Variants in XPO4 observed in about 807,000 individuals in gnomAD.
The protein encoded by XPO4 is exportin 4.
A neutral mutation model predicts 143.0 loss-of-function variants in XPO4; 39 were observed. That is an observed-to-expected ratio of 0.27 (90% CI 0.21 to 0.36). The LOEUF (loss-of-function observed/expected upper bound fraction) is 0.36, where lower values mean the gene tolerates loss of function less well. XPO4 is among the 10% of genes least tolerant of loss of function. The pLI is 1.00. For synonymous variants in XPO4, 439 were observed against 474.0 expected (o/e 0.93, Z 0.96); for missense variants, 907 against 1,348.0 (o/e 0.67, Z 5.12).
intron 9 of XPO4, among the ~76,000 whole-genome samples, chr13:20,814,197 A>C (rs1273145343): frequency 1.3e-5 from 2 of 151,686 alleles, no homozygotes; most frequent in Non-Finnish European, 2.9e-5. Context: ...GTCTCCAAAA[A>C]AAAAAAAAAA....
chr13:20,793,006 T>C (rs1376433465), intron 18 of XPO4, among the ~76,000 whole-genome samples: 1 of 152,060 alleles, frequency 6.6e-6, no homozygotes, highest in Non-Finnish European at 1.5e-5. Context: ...GCCTGGCTAG[T>C]CTCAAACTCT....
At position 20,809,099 on chromosome 13, in the gene XPO4, T is replaced by C; in HGVS notation, c.1477A>G (p.Ile493Val). 1 of 1,613,928 alleles carries C rather than the reference T, an allele frequency of 6.2e-7. No individual in the cohort carries two copies. Among genetic ancestry groups the C allele is most frequent in the Non-Finnish European group, 8.5e-7 (1 of 1,179,854 alleles). Residue 493 changes from isoleucine to valine, a missense_variant, in exon 11 of 23, where the codon ATA becomes GTA. Physicochemically the swap from Ile to Val is conservative, Grantham distance 29 (BLOSUM62 3). Transcript: ENST00000255305. Reference protein sequence around the residue: ...MLGRIAAEHCIPLLTSLLEER... With the variant: ...MLGRIAAEHCVPLLTSLLEER... ...TGTGTGTACCTTGTCAGAAGAGGTATACAGTGTTCTGCAGCAATTCTTCCT... is the reference window on the plus strand; with the variant it reads ...TGTGTGTACCTTGTCAGAAGAGGTACACAGTGTTCTGCAGCAATTCTTCCT...
At chr13:20,849,333 C>T in intron 4 of XPO4, 1 of 985,436 alleles carries the variant, frequency 1.0e-6, no homozygotes, top group South Asian at 4.7e-5. Flanking sequence ...TTCTCACCCA[C>T]TTCTCTCTAG....
At chr13:20,893,495 T>C (rs772772899) in intron 1 of XPO4, among the ~76,000 whole-genome samples, 9 of 152,062 alleles carry the variant, frequency 5.9e-5, no homozygotes, top group Non-Finnish European at 1.2e-4. Context: ...ATCCCAGCAC[T>C]TTGGGAGGCC....
intron 9 of XPO4, among the ~76,000 whole-genome samples, chr13:20,816,611 C>A (rs1020018783): frequency 6.6e-6 from 1 of 152,092 alleles, no homozygotes; most frequent in Non-Finnish European, 1.5e-5. Context: ...TGATATGGAA[C>A]AATAGTTATA....
intron 4 of XPO4, chr13:20,851,698 A>C (rs2060088854): frequency 2.0e-5 from 18 of 881,382 alleles, no homozygotes; most frequent in African/African-American, 4.0e-5. Context: ...CAACAGAGCA[A>C]GACCCGGTCT....
At chr13:20,796,299 T>G (rs2059357799) in intron 17 of XPO4, 43 bp from the exon 18 acceptor site, 1 of 1,398,868 alleles carries the variant, frequency 7.1e-7, no homozygotes, top group Non-Finnish European at 9.4e-7. Flanking sequence ...CTTGGTACAC[T>G]GACATTAAAA....
At chr13:20,844,846 A>G (rs976287312) in intron 4 of XPO4, among the ~76,000 whole-genome samples, 2 of 152,242 alleles carry the variant, frequency 1.3e-5, no homozygotes, top group African/African-American at 2.4e-5. Context: ...CTATCTGTCC[A>G]TTTTGTATAT....
intron 3 of XPO4, among the ~76,000 whole-genome samples, chr13:20,858,438 G>A (rs556622024): frequency 3.3e-5 from 5 of 152,166 alleles, no homozygotes; most frequent in Admixed American, 3.3e-4. Context: ...GGTAAAAAAT[G>A]TACATATACA....
intron 9 of XPO4, among the ~76,000 whole-genome samples, chr13:20,810,895 A>G (rs1368833274): frequency 6.6e-6 from 1 of 152,232 alleles, no homozygotes; most frequent in Non-Finnish European, 1.5e-5. Context: ...TTACTGAATT[A>G]AAGTGTTACA....
chr13:20,814,524 T>C (rs2137919650), intron 9 of XPO4, among the ~76,000 whole-genome samples: 1 of 152,386 alleles, frequency 6.6e-6, no homozygotes, highest in East Asian at 1.9e-4. Flanking sequence ...AGAAATATGG[T>C]TGTTGACAAT....
At position 20,822,028 on chromosome 13, in the gene XPO4, T is replaced by C. The variant is rs2059725992; in HGVS notation, c.998+104A>G. 7.0e-6 allele frequency: 10 copies of C among 1,436,898 alleles called. No individual in the cohort carries two copies. In the East Asian group the frequency reaches 2.1e-4, roughly 30 times the overall value. The allele number at this position is 1,436,898 out of a possible 1,614,324, so 89.0% of individuals were successfully genotyped here. Reference sequence around the variant, plus strand: ...TTTCAAATTACCCATATGACTTTACTTCAAAATATAAGGGGGAAAAAATAA... The same window carrying C: ...TTTCAAATTACCCATATGACTTTACCTCAAAATATAAGGGGGAAAAAATAA... On this transcript the variant is annotated intron_variant, in intron 8 of 22. Transcript: ENST00000255305.
intron 7 of XPO4, among the ~76,000 whole-genome samples, chr13:20,826,181 T>C (rs1366888040): frequency 6.6e-6 from 1 of 152,188 alleles, no homozygotes; most frequent in African/African-American, 2.4e-5. Context: ...TTTCCAGCTT[T>C]TGACCGTTTT....
At position 20,777,554 on chromosome 13, in the gene XPO4, A is replaced by G. The variant is rs2141450890; in HGVS notation, c.*6168T>C. The stretch of plus-strand genomic sequence containing the variant: ...CTTTACCAGGTCAGTCCTTAGAAAT[A>G]ACCATAACATCCAGGGCAGTGCAGT... On this transcript the variant is annotated 3_prime_UTR_variant, in exon 23 of 23. Coordinates refer to ENST00000255305, the MANE Select transcript of XPO4 (RefSeq NM_022459.5). 1 of 152,368 alleles carries G rather than the reference A, an allele frequency of 6.6e-6. No individual in the cohort carries two copies. Among genetic ancestry groups the G allele is most frequent in the Non-Finnish European group, 1.5e-5 (1 of 68,046 alleles). The allele number at this position is 152,368 out of a possible 1,614,324, so 9.4% of individuals were successfully genotyped here.
intron 1 of XPO4, among the ~76,000 whole-genome samples, chr13:20,887,081 T>A (rs915357386): frequency 6.6e-5 from 10 of 151,540 alleles, no homozygotes; most frequent in Admixed American, 1.3e-4. Context: ...AAAAAAAAAA[T>A]AAATAAATAA....
chr13:20,874,604 G>A (rs1399116941), intron 1 of XPO4, among the ~76,000 whole-genome samples: 1 of 152,096 alleles, frequency 6.6e-6, no homozygotes, highest in Non-Finnish European at 1.5e-5. Context: ...TGGCTCACTT[G>A]TCCTTCTGCA....
chr13:20,875,027 G>C (rs1374798760), intron 1 of XPO4, among the ~76,000 whole-genome samples: 1 of 152,012 alleles, frequency 6.6e-6, no homozygotes, highest in Non-Finnish European at 1.5e-5. Flanking sequence ...AAATTACCCA[G>C]TTTGTAGTAT....
intron 6 of XPO4, among the ~76,000 whole-genome samples, chr13:20,830,828 G>C (rs566535249): frequency 6.6e-6 from 1 of 152,134 alleles, no homozygotes; most frequent in South Asian, 2.1e-4. Flanking sequence ...ATGGGAGAAA[G>C]GCTTACTATG....
intron 7 of XPO4, 52 bp downstream of exon 7, chr13:20,827,015 C>T: frequency 5.5e-6 from 7 of 1,278,716 alleles, no homozygotes; most frequent in Non-Finnish European, 8.0e-6. Flanking sequence ...CTCGCCAAGG[C>T]ATTTCCTCTT....
Sources: gnomAD v4.1 joint callset for allele counts (sites outside exome capture counted in the v4.1 genomes callset) on GRCh38, gnomAD v4.1.1 for gene constraint, MANE v1.5 for transcripts, NCBI Gene and HGNC (gene_info 2026-07-23, HGNC 2026-07-21) for gene names.